SYT9: variants seen among roughly 807,000 people sequenced by gnomAD.
SYT9 encodes synaptotagmin 9, also known as synaptotagmin-9.
In SYT9, 22 loss-of-function variants were observed where a neutral mutation model predicts 48.4. The ratio of observed to expected loss-of-function variants is 0.45; its 90% CI spans 0.32 to 0.65. The LOEUF (loss-of-function observed/expected upper bound fraction) is 0.65, where lower values mean the gene tolerates loss of function less well. SYT9 is among the 30% of genes least tolerant of loss of function. The pLI is 0.03. For synonymous variants in SYT9, 265 were observed against 245.0 expected, an observed-to-expected ratio of 1.08 and a Z score of -0.76; for missense variants, 577 against 622.0, an observed-to-expected ratio of 0.93 and a Z score of 0.77.
chr11:7,292,714 C>T (rs1427278581), intron 1 of SYT9, among the ~76,000 whole-genome samples: 4 of 152,214 alleles, frequency 2.6e-5, no homozygotes, highest in Non-Finnish European at 4.4e-5. Context: ...TCTGTAATTT[C>T]ACAAGAATCC....
rs955367507 is a variant in SYT9 at position 7,335,617 on chromosome 11, C to T, written c.1044+21676C>T. On this transcript the variant is annotated intron_variant, in intron 3 of 6. Coordinates refer to ENST00000318881, the MANE Select transcript of SYT9 (RefSeq NM_175733.4). ...TTGCAAAGGATAATGACCTTTAGCT[C>T]CATTCATGTTCCTCCAGAGAACATG... Among the ~76,000 whole-genome samples the T allele has an allele frequency of 2.6e-5, 4 of 152,194 alleles. No individual in the cohort carries two copies. In the East Asian group the frequency reaches 5.8e-4, roughly 22 times the overall value.
chr11:7,381,597 A>G (rs1257276332), intron 3 of SYT9, among the ~76,000 whole-genome samples: 1 of 152,154 alleles, frequency 6.6e-6, no homozygotes, highest in East Asian at 1.9e-4. Context: ...ATTGTTGGCT[A>G]AGTTTGTCAC....
At chr11:7,392,146 A>G (rs1373157280) in intron 3 of SYT9, among the ~76,000 whole-genome samples, 1 of 151,868 alleles carries the variant, frequency 6.6e-6, no homozygotes, top group Non-Finnish European at 1.5e-5. Flanking sequence ...TTTTCTTGCA[A>G]TTGCTTTTGA....
At chr11:7,456,154 T>C (rs1219422093) in intron 6 of SYT9, among the ~76,000 whole-genome samples, 1 of 152,262 alleles carries the variant, frequency 6.6e-6, no homozygotes, top group Admixed American at 6.5e-5. Flanking sequence ...TCTCCTGATG[T>C]GAACTCTTTA....
chr11:7,256,678 C>T (rs910857892), intron 1 of SYT9, among the ~76,000 whole-genome samples: 1 of 152,136 alleles, frequency 6.6e-6, no homozygotes, highest in Non-Finnish European at 1.5e-5. Flanking sequence ...AAGTGTAGGT[C>T]ACATTCTATG....
chr11:7,285,444 A>G (rs116043040), intron 1 of SYT9, among the ~76,000 whole-genome samples: 2,851 of 152,264 alleles, frequency 0.019, 76 homozygotes, highest in African/African-American at 0.065. Flanking sequence ...CCATAATTCA[A>G]TTACCTCCCA....
chr11:7,454,657 A>G (rs1179398714), intron 6 of SYT9, among the ~76,000 whole-genome samples: 2 of 152,240 alleles, frequency 1.3e-5, no homozygotes, highest in African/African-American at 4.8e-5. Context: ...ATTGTTATGC[A>G]GAATAACACA....
At chr11:7,388,208 T>A (rs958008579) in intron 3 of SYT9, among the ~76,000 whole-genome samples, 1 of 152,196 alleles carries the variant, frequency 6.6e-6, no homozygotes, top group Non-Finnish European at 1.5e-5. Context: ...AGTCAGTATT[T>A]CTCATATCTA....
chr11:7,255,072 C>G (rs1187970613), intron 1 of SYT9, among the ~76,000 whole-genome samples: 1 of 152,188 alleles, frequency 6.6e-6, no homozygotes, highest in Non-Finnish European at 1.5e-5. Context: ...TCATCTGTAC[C>G]AACTTGTGGA....
At chr11:7,241,506 T>C (rs1847740317) in intron 1 of SYT9, among the ~76,000 whole-genome samples, 1 of 152,166 alleles carries the variant, frequency 6.6e-6, no homozygotes, top group African/African-American at 2.4e-5. Flanking sequence ...AAGGTAACTC[T>C]AATGCACATG....
At chr11:7,369,343 A>C (rs1159366285) in intron 3 of SYT9, among the ~76,000 whole-genome samples, 1 of 150,538 alleles carries the variant, frequency 6.6e-6, no homozygotes, top group Non-Finnish European at 1.5e-5. Context: ...TTTTCTTGTA[A>C]ATTTGTTTAA....
At chr11:7,273,138 C>G (rs1013039941) in intron 1 of SYT9, among the ~76,000 whole-genome samples, 2 of 151,706 alleles carry the variant, frequency 1.3e-5, no homozygotes, top group African/African-American at 4.8e-5. Context: ...GCAGCTGGGT[C>G]ATATAAAATG....
chr11:7,314,829 T>C (rs1849210732), intron 3 of SYT9, among the ~76,000 whole-genome samples: 1 of 152,242 alleles, frequency 6.6e-6, no homozygotes, highest in African/African-American at 2.4e-5. Context: ...AGCGTAGCTC[T>C]CTTTCTCTGC....
intron 3 of SYT9, among the ~76,000 whole-genome samples, chr11:7,347,532 G>A (rs562836942): frequency 3.9e-5 from 6 of 152,300 alleles, no homozygotes; most frequent in East Asian, 1.9e-4. Flanking sequence ...ACTGCGCCCA[G>A]CCGAACTATT....
intron 3 of SYT9, among the ~76,000 whole-genome samples, chr11:7,324,257 A>G (rs1286976728): frequency 6.6e-6 from 1 of 151,750 alleles, no homozygotes; most frequent in African/African-American, 2.4e-5. Flanking sequence ...ATTTCTGGTT[A>G]TGTCCTTATT....
chr11:7,355,781 A>G (rs976810995), intron 3 of SYT9, among the ~76,000 whole-genome samples: 2 of 152,248 alleles, frequency 1.3e-5, no homozygotes, highest in Non-Finnish European at 2.9e-5. Flanking sequence ...AACTTGTTCA[A>G]TGTCACCTGG....
At position 7,362,644 on chromosome 11, in the gene SYT9, T is replaced by C. The variant is rs139262399; in HGVS notation, c.1044+48703T>C. Among the ~76,000 whole-genome samples the C allele has an allele frequency of 1.1e-3, 175 of 152,284 alleles. 1 individual carries two copies. The East Asian group carries it at 0.03, about 26-fold the overall frequency. On this transcript the variant is annotated intron_variant, in intron 3 of 6. Coordinates refer to ENST00000318881, the MANE Select transcript of SYT9 (RefSeq NM_175733.4). ...CATAGTTGCTTTAACCTGAATAATG[T>C]TTTTCACCTTGAAGACCATGCTTTC...
intron 3 of SYT9, among the ~76,000 whole-genome samples, chr11:7,339,645 A>C (rs2133988222): frequency 6.6e-6 from 1 of 152,236 alleles, no homozygotes; most frequent in South Asian, 2.1e-4. Context: ...TTCCTGGTTG[A>C]AGATTTTTTT....
At chr11:7,306,462 C>T (rs1220410270) in intron 2 of SYT9, among the ~76,000 whole-genome samples, 1 of 152,204 alleles carries the variant, frequency 6.6e-6, no homozygotes, top group Non-Finnish European at 1.5e-5. Context: ...ATGGCCAAGG[C>T]CACCATGTTG....
Sources: allele counts gnomAD v4.1 joint callset (sites outside exome capture counted in the v4.1 genomes callset), GRCh38; gene constraint gnomAD v4.1.1; transcripts MANE v1.5; gene names NCBI Gene and HGNC (gene_info 2026-07-23, HGNC 2026-07-21).